The following PRLR variants were observed in gnomAD, a reference collection of about 807,000 sequenced individuals.
The protein encoded by PRLR is prolactin receptor.
A neutral mutation model predicts 40.2 loss-of-function variants in PRLR; 13 were observed. The observed-to-expected ratio is 0.32, with a 90% CI of 0.21 to 0.51. PRLR has a LOEUF of 0.51. PRLR is among the 20% of genes least tolerant of loss of function. PRLR has a pLI of 0.97. For missense variants in PRLR, 656 were observed against 747.3 expected (o/e 0.88, Z 1.42); for synonymous variants, 269 against 278.7 (o/e 0.97, Z 0.35).
rs548636385 is a variant in PRLR, at chr5:35,101,691, T to C, written c.-43-12028A>G. ...ACACCCTTTCAGGAATGAAAACACATATATATATAAAAACATACATATATA... is the reference window on the plus strand; with the variant it reads ...ACACCCTTTCAGGAATGAAAACACACATATATATAAAAACATACATATATA... On this transcript the variant is annotated intron_variant, in intron 2 of 9. Coordinates refer to ENST00000618457, the MANE Select transcript of PRLR (RefSeq NM_000949.7). 5.8e-4 allele frequency among the ~76,000 whole-genome samples: 87 copies of C among 150,108 alleles called. 1 individual carries two copies. Among genetic ancestry groups the C allele is most frequent in the Admixed American group, 1.1e-3 (17 of 15,034 alleles).
At chr5:35,162,542 G>A (rs73766769) in intron 1 of PRLR, among the ~76,000 whole-genome samples, 2,140 of 152,340 alleles carry the variant, frequency 0.014, 58 homozygotes, top group African/African-American at 0.049. Flanking sequence ...AGCACACTAA[G>A]TACGTAATCA....
intron 1 of PRLR, among the ~76,000 whole-genome samples, chr5:35,214,208 TCTC>T (rs1776232599): frequency 3.3e-5 from 5 of 152,232 alleles, no homozygotes; most frequent in Admixed American, 3.3e-4. Context: ...ATTCTGCTAA[TCTC>T]CTAGCTTCAT....
rs1769082859 is a variant in PRLR at position 35,062,268 on chromosome 5, A to G, written c.*2821T>C. 1 of 152,156 alleles carries G rather than the reference A, an allele frequency of 6.6e-6. No homozygotes were observed. Among genetic ancestry groups the G allele is most frequent in the Admixed American group, 6.6e-5 (1 of 15,262 alleles). The allele number at this position is 152,156 out of a possible 1,614,324, so 9.4% of individuals were successfully genotyped here. On this transcript the variant is annotated 3_prime_UTR_variant, in exon 10 of 10. Transcript: ENST00000618457. ...CATGGAATCAAGGAGTCAGTTTCAA[A>G]GGACCTTAGAGGTTATCTGGTCCAA...
chr5:35,183,416 T>C (rs1411730976), intron 1 of PRLR, among the ~76,000 whole-genome samples: 1 of 152,166 alleles, frequency 6.6e-6, no homozygotes, highest in Non-Finnish European at 1.5e-5. Context: ...GTTGCCAATG[T>C]CTCTTGTCAA....
intron 1 of PRLR, among the ~76,000 whole-genome samples, chr5:35,215,658 T>TAC (rs2111655723): frequency 6.6e-6 from 1 of 152,202 alleles, no homozygotes; most frequent in South Asian, 2.1e-4. Flanking sequence ...TAGCAAAAGT[T>TAC]CTCAGTTGCA....
intron 5 of PRLR, among the ~76,000 whole-genome samples, chr5:35,079,517 T>A (rs965363181): frequency 1.3e-5 from 2 of 152,176 alleles, no homozygotes; most frequent in African/African-American, 2.4e-5. Flanking sequence ...GAAGGACCTC[T>A]TCAAGGAGAA....
chr5:35,117,350 G>A (rs969461546), intron 2 of PRLR, among the ~76,000 whole-genome samples: 3 of 152,098 alleles, frequency 2.0e-5, no homozygotes, highest in African/African-American at 4.8e-5. Flanking sequence ...CTATCTTCCT[G>A]GCTCCTTAAC....
chr5:35,188,752 C>T (rs1775515564), intron 1 of PRLR, among the ~76,000 whole-genome samples: 1 of 152,234 alleles, frequency 6.6e-6, no homozygotes, highest in African/African-American at 2.4e-5. Flanking sequence ...GGTGGAATCT[C>T]AATGCCGTCC....
chr5:35,201,017 C>T (rs1481015686), intron 1 of PRLR, among the ~76,000 whole-genome samples: 1 of 152,080 alleles, frequency 6.6e-6, no homozygotes, highest in Non-Finnish European at 1.5e-5. Flanking sequence ...AATTATTTGG[C>T]TTAACACACA....
At chr5:35,120,588 G>A (rs914895690) in intron 1 of PRLR, among the ~76,000 whole-genome samples, 8 of 152,124 alleles carry the variant, frequency 5.3e-5, no homozygotes, top group Admixed American at 3.3e-4. Flanking sequence ...GAAGCTCCTG[G>A]GGGAAATAAC....
At chr5:35,170,535 C>CA in intron 1 of PRLR, among the ~76,000 whole-genome samples, 1 of 152,166 alleles carries the variant, frequency 6.6e-6, no homozygotes, top group African/African-American at 2.4e-5. Context: ...GGTGCAATGG[C>CA]ATGTGCCTGT....
intron 1 of PRLR, among the ~76,000 whole-genome samples, chr5:35,171,970 A>AT (rs1775010298): frequency 6.6e-6 from 1 of 152,058 alleles, no homozygotes; most frequent in Non-Finnish European, 1.5e-5. Flanking sequence ...GTATTTATTT[A>AT]TTTTTTGCCC....
chr5:35,197,128 CT>C (rs1015090887), intron 1 of PRLR, among the ~76,000 whole-genome samples: 1 of 152,126 alleles, frequency 6.6e-6, no homozygotes. Flanking sequence ...CTGTCCCCAA[CT>C]TTTTTATTTT....
rs777543769 is a variant in PRLR at position 35,068,284 on chromosome 5, T to A, written c.787A>T (p.Met263Leu). 1 of 1,609,964 alleles carries A rather than the reference T, an allele frequency of 6.2e-7. No homozygotes were observed. The highest frequency in any genetic ancestry group is 8.5e-7 in the Non-Finnish European group (1 of 1,176,224). ...VWAVALKGYS[M>L]VTCIFPPVPG... The stretch of plus-strand genomic sequence containing the variant: ...ACTGGCGGAAAGATGCAGGTCACCA[T>A]GCTATAAAATAATTCATGAGATTGG... Residue 263 changes from methionine to leucine, a missense_variant and splice_region_variant, in exon 9 of 10, where the codon ATG becomes TTG. Coordinates refer to ENST00000618457, the MANE Select transcript of PRLR (RefSeq NM_000949.7).
At chr5:35,217,292 G>T (rs1263170889) in intron 1 of PRLR, among the ~76,000 whole-genome samples, 3 of 152,136 alleles carry the variant, frequency 2.0e-5, no homozygotes, top group African/African-American at 7.2e-5. Context: ...TTAGATCCTA[G>T]GACTCTTAAA....
chr5:35,144,132 A>T (rs1774106221), intron 1 of PRLR, among the ~76,000 whole-genome samples: 1 of 151,546 alleles, frequency 6.6e-6, no homozygotes, highest in African/African-American at 2.4e-5. Flanking sequence ...CCAAAAAAAA[A>T]AAAAAAAAAA....
chr5:35,071,228 C>G (rs1350901982), intron 6 of PRLR, among the ~76,000 whole-genome samples: 1 of 152,102 alleles, frequency 6.6e-6, no homozygotes, highest in East Asian at 1.9e-4. Flanking sequence ...CTAAATAACC[C>G]CACAAAGAAC....
At chr5:35,075,822 G>T (rs1409715806) in intron 5 of PRLR, among the ~76,000 whole-genome samples, 5 of 152,142 alleles carry the variant, frequency 3.3e-5, no homozygotes, top group Non-Finnish European at 5.9e-5. Context: ...ACACCCAGGT[G>T]CCCCTCTGAG....
chr5:35,086,294 G>A lies in PRLR; in HGVS notation c.117C>T (p.Pro39=). The change falls in exon 4 of 10, where the codon CCC becomes CCT. Residue 39 remains proline (P), a synonymous_variant. Coordinates refer to ENST00000618457, the MANE Select transcript of PRLR (RefSeq NM_000949.7). ...GKPEIFKCRS[P]NKETFTCWWR... ...ACCAGCAGGTGAATGTTTCCTTATT[G>A]GGAGAACGACATTTAAAGATCTCAG... 1 of 1,613,978 alleles carries A rather than the reference G, an allele frequency of 6.2e-7. No individual in the cohort carries two copies. The highest frequency in any genetic ancestry group is 2.2e-5 in the East Asian group (1 of 44,876).
Sources: allele counts gnomAD v4.1 joint callset (sites outside exome capture counted in the v4.1 genomes callset), GRCh38; gene constraint gnomAD v4.1.1; transcripts MANE v1.5; gene names NCBI Gene and HGNC (gene_info 2026-07-23, HGNC 2026-07-21).